Variants in AGPS observed in about 807,000 individuals in gnomAD.
The protein encoded by AGPS is alkylglycerone phosphate synthase.
AGPS carries 26 observed loss-of-function variants against 90.7 expected under a neutral mutation model. The observed-to-expected ratio is 0.29, with a 90% confidence interval of 0.21 to 0.40. The LOEUF (loss-of-function observed/expected upper bound fraction) is 0.40. Among genes scored for constraint, AGPS ranks in the 10% least tolerant of loss-of-function variants. AGPS has a pLI of 1.00. For synonymous variants in AGPS, 294 were observed against 285.3 expected (o/e 1.03, Z -0.31); for missense variants, 540 against 816.1 (o/e 0.66, Z 4.12).
In AGPS at chr2:177,420,238, G is replaced by A. The variant is rs149405436; in HGVS notation, c.261-31G>A. 1.6e-3 allele frequency: 2,203 copies of A among 1,363,748 alleles called. 25 individuals carry two copies. In the African/African-American group the frequency reaches 0.027, roughly 17 times the overall value. 84.5% of individuals were successfully genotyped at this position (1,363,748 alleles called of 1,614,324 possible). On this transcript the variant is annotated intron_variant, in intron 1 of 19. Coordinates refer to ENST00000264167, the MANE Select transcript of AGPS (RefSeq NM_003659.4). ...TACAGTTTTAAGATGTTTAGCATTG[G>A]TCTCACTTATATATATTTTCTTCTC...
At chr2:177,503,666 A>G (rs1402987496) in intron 14 of AGPS, among the ~76,000 whole-genome samples, 1 of 152,194 alleles carries the variant, frequency 6.6e-6, no homozygotes, top group African/African-American at 2.4e-5. Flanking sequence ...AAGCCCTACT[A>G]TTCTTTAATA....
At chr2:177,444,307 G>A (rs1229148976) in intron 7 of AGPS, among the ~76,000 whole-genome samples, 2 of 151,722 alleles carry the variant, frequency 1.3e-5, no homozygotes, top group Non-Finnish European at 2.9e-5. Flanking sequence ...TGTAAACCCA[G>A]CTACTCAGGA....
At chr2:177,428,619 T>C (rs1287538615) in intron 2 of AGPS, among the ~76,000 whole-genome samples, 1 of 152,216 alleles carries the variant, frequency 6.6e-6, no homozygotes, top group East Asian at 1.9e-4. Context: ...GAAAATTCTT[T>C]TCTTTAAGAA....
chr2:177,532,985 G>T (rs1278931830), intron 19 of AGPS, among the ~76,000 whole-genome samples: 1 of 152,094 alleles, frequency 6.6e-6, no homozygotes, highest in Non-Finnish European at 1.5e-5. Context: ...GGCTGGAGAG[G>T]GTGTGACTGT....
At chr2:177,506,010 G>T (rs1226113019) in intron 15 of AGPS, among the ~76,000 whole-genome samples, 1 of 151,840 alleles carries the variant, frequency 6.6e-6, no homozygotes, top group Non-Finnish European at 1.5e-5. Flanking sequence ...TAGAATTAAA[G>T]AAATAATTAT....
intron 1 of AGPS, among the ~76,000 whole-genome samples, chr2:177,404,808 AT>A (rs1685422091): frequency 6.6e-6 from 1 of 152,028 alleles, no homozygotes; most frequent in Non-Finnish European, 1.5e-5. Flanking sequence ...TTTTGATTTT[AT>A]TTCCAAGTTC....
At chr2:177,476,153 G>T (rs1687776038) in intron 10 of AGPS, among the ~76,000 whole-genome samples, 2 of 149,564 alleles carry the variant, frequency 1.3e-5, no homozygotes, top group African/African-American at 2.5e-5. Context: ...ATTTTTTATT[G>T]GTTTTCTATC....
chr2:177,462,893 T>C (rs909987744), intron 9 of AGPS, among the ~76,000 whole-genome samples: 2 of 152,176 alleles, frequency 1.3e-5, no homozygotes, highest in African/African-American at 2.4e-5. Context: ...ATGGGGATAC[T>C]GATGGATGTC....
chr2:177,503,832 A>G (rs1287846497), intron 14 of AGPS, among the ~76,000 whole-genome samples: 1 of 151,756 alleles, frequency 6.6e-6, no homozygotes, highest in African/African-American at 2.4e-5. Flanking sequence ...AGGACATCCA[A>G]TTTCTTCCTG....
At chr2:177,475,258 T>C (rs956072816) in intron 10 of AGPS, among the ~76,000 whole-genome samples, 1 of 152,198 alleles carries the variant, frequency 6.6e-6, no homozygotes, top group Non-Finnish European at 1.5e-5. Context: ...ATTGTCAGTA[T>C]AGTGGAAGGA....
In AGPS at chr2:177,509,836, T is replaced by C. The variant is rs528173214; in HGVS notation, c.1607+1805T>C. 3.9e-5 allele frequency among the ~76,000 whole-genome samples: 6 copies of C among 152,322 alleles called. No homozygotes were observed. In the South Asian group the frequency reaches 1.2e-3, roughly 32 times the overall value. ...AAAAAAGGTGGAAACATATTTTTCC[T>C]TCCCTGGAGAAACCAGTAAGGCAGA... is the stretch of plus-strand genomic sequence containing the variant. On this transcript the variant is annotated intron_variant, in intron 16 of 19. Coordinates refer to ENST00000264167, the MANE Select transcript of AGPS (RefSeq NM_003659.4).
At chr2:177,408,242 C>T (rs1221308141) in intron 1 of AGPS, among the ~76,000 whole-genome samples, 1 of 152,182 alleles carries the variant, frequency 6.6e-6, no homozygotes, top group Admixed American at 6.5e-5. Context: ...TGGTTTGAAA[C>T]TCTTCTCCAT....
chr2:177,538,886 T>C lies in AGPS; in HGVS notation c.*691T>C, dbSNP rs1395499327. ...GTATTTGTATCACTGAGATAACCTATTGTTATATTCTAATTCATTGATAAT... is the reference window on the plus strand; with the variant it reads ...GTATTTGTATCACTGAGATAACCTACTGTTATATTCTAATTCATTGATAAT... On this transcript the variant is annotated 3_prime_UTR_variant, in exon 20 of 20. Transcript: ENST00000264167. The C allele has an allele frequency of 6.6e-6, 1 of 152,084 alleles. No homozygotes were observed. Among genetic ancestry groups the C allele is most frequent in the Admixed American group, 6.6e-5 (1 of 15,232 alleles). 9.4% of individuals were successfully genotyped at this position (152,084 alleles called of 1,614,324 possible).
chr2:177,508,047 G>C lies in AGPS; in HGVS notation c.1607+16G>C. 6.3e-7 allele frequency: 1 copy of C among 1,578,158 alleles called. No homozygotes were observed. Among genetic ancestry groups the C allele is most frequent in the Non-Finnish European group, 8.7e-7 (1 of 1,147,572 alleles). ...CTTGGGACAGGTAAAATATACTAAAGTGCCTGATATTATTCAAATATGCGA... is the reference window on the plus strand; with the variant it reads ...CTTGGGACAGGTAAAATATACTAAACTGCCTGATATTATTCAAATATGCGA... On this transcript the variant is annotated intron_variant, in intron 16 of 19. Coordinates refer to ENST00000264167, the MANE Select transcript of AGPS (RefSeq NM_003659.4).
At chr2:177,410,223 G>A (rs981048096) in intron 1 of AGPS, among the ~76,000 whole-genome samples, 9 of 152,016 alleles carry the variant, frequency 5.9e-5, no homozygotes, top group African/African-American at 2.2e-4. Flanking sequence ...CCTGCCTTGC[G>A]GCTCTTTTGG....
chr2:177,416,083 A>G (rs1685776764), intron 1 of AGPS, among the ~76,000 whole-genome samples: 1 of 152,180 alleles, frequency 6.6e-6, no homozygotes, highest in Admixed American at 6.5e-5. Flanking sequence ...TATGACTATT[A>G]TGATTAGAAA....
chr2:177,484,737 T>C (rs1363691883), intron 11 of AGPS, among the ~76,000 whole-genome samples: 4 of 152,116 alleles, frequency 2.6e-5, no homozygotes, highest in Non-Finnish European at 5.9e-5. Context: ...TGCCTCTAAT[T>C]TTATGAAAAA....
intron 5 of AGPS, among the ~76,000 whole-genome samples, chr2:177,438,301 G>C (rs1686479059): frequency 6.6e-6 from 1 of 152,102 alleles, no homozygotes; most frequent in Non-Finnish European, 1.5e-5. Context: ...CATGCCTGTA[G>C]TCCCCGTTAC....
intron 1 of AGPS, among the ~76,000 whole-genome samples, chr2:177,407,016 A>C (rs1685484442): frequency 6.6e-6 from 1 of 152,204 alleles, no homozygotes. Context: ...CATTGAGTAT[A>C]CTGAAATCTT....
Sources: allele counts gnomAD v4.1 joint callset (sites outside exome capture counted in the v4.1 genomes callset), GRCh38; gene constraint gnomAD v4.1.1; transcripts MANE v1.5; gene names NCBI Gene and HGNC (gene_info 2026-07-23, HGNC 2026-07-21).